Variants in PTCH2 observed in about 807,000 individuals in gnomAD.
PTCH2 encodes patched 2.
PTCH2 carries 96 observed loss-of-function variants against 117.9 expected under a neutral mutation model. The observed-to-expected ratio is 0.81, with a 90% CI of 0.69 to 0.96. The LOEUF (loss-of-function observed/expected upper bound fraction) is 0.96, where lower values mean the gene tolerates loss of function less well. Among genes scored for constraint, PTCH2 ranks in the 50% least tolerant of loss-of-function variants. The pLI is 0.00. For synonymous variants in PTCH2, 615 were observed against 660.9 expected (o/e 0.93, Z 1.06); for missense variants, 1,379 against 1,562.5 (o/e 0.88, Z 1.98).
At chr1:44,821,190 C>T (rs1275798004), downstream of PTCH2, among the ~76,000 whole-genome samples, 1 of 152,114 alleles carries the variant, frequency 6.6e-6, no homozygotes, top group Non-Finnish European at 1.5e-5. Flanking sequence ...CAGTTGCAAA[C>T]CTCCCCACGC....
chr1:44,820,656 C>T (rs1442051682), downstream of PTCH2: 1 of 714,380 alleles, frequency 1.4e-6, no homozygotes, highest in East Asian at 2.7e-5. Context: ...CTCCGTGTGT[C>T]TGATGAGGGG....
In PTCH2 at chr1:44,842,886, GGTGT is replaced by G. The variant is rs745385213; in HGVS notation, c.43_46del (p.Thr15ProfsTer11). The G allele has an allele frequency of 1.3e-6, 2 of 1,550,972 alleles. No homozygotes were observed. The highest frequency in any genetic ancestry group is 2.4e-5 in the East Asian group (1 of 40,864). On this transcript the variant is annotated frameshift_variant, in exon 1 of 22. Transcript: ENST00000372192. LOFTEE classifies it high-confidence loss of function. ...CTGGGGTGCTGCGGTTCGAGCTGGG[GGTGT>G]GTAACTCGGGGGCAGCTCTCTGAGG...
In PTCH2 at chr1:44,823,023, G is replaced by C. The variant is rs539364464; in HGVS notation, c.3357+46C>G. ...CCCTTCCCTTGCCTCTCCCTACCCC[G>C]TCCCTTGGGCTGGGAGTAGAGGGAT... On this transcript the variant is annotated intron_variant, in intron 21 of 21. Transcript: ENST00000372192. The surrounding 1 kb of genome is among the most constrained non-coding windows in gnomAD (Gnocchi z 5.1). 6.3e-7 allele frequency: 1 copy of C among 1,578,342 alleles called. No homozygotes were observed. The highest frequency in any genetic ancestry group is 8.6e-7 in the Non-Finnish European group (1 of 1,156,824).
At chr1:44,828,736 T>A in intron 11 of PTCH2, 105 bp from the exon 12 acceptor site, 1 of 1,483,304 alleles carries the variant, frequency 6.7e-7, no homozygotes, top group South Asian at 1.2e-5. Context: ...GGTGGGGCAG[T>A]CATAACACAG....
chr1:44,830,333 TC>T (rs1281381054), intron 6 of PTCH2, among the ~76,000 whole-genome samples: 1 of 152,098 alleles, frequency 6.6e-6, no homozygotes, highest in Non-Finnish European at 1.5e-5. Flanking sequence ...GGTATGATAT[TC>T]ATGCTTACCT....
At position 44,822,540 on chromosome 1, in the gene PTCH2, C is replaced by A. The variant is rs761664179; in HGVS notation, c.3487G>T (p.Ala1163Ser). 1 of 1,614,012 alleles carries A rather than the reference C, an allele frequency of 6.2e-7. No individual in the cohort carries two copies. Among genetic ancestry groups the A allele is most frequent in the Admixed American group, 1.7e-5 (1 of 60,016 alleles). ...FARVTTSMTV[A>S]IHPPPLPGAY... ...CCAGGCAGGGGGGGTGGGTGGATGG[C>A]CACGGTCATGGAGGTAGTCACTCTG... The change falls in exon 22 of 22, where the codon GCC becomes TCC. Residue 1163 changes from alanine to serine, a missense_variant. By Grantham distance (99) the Ala-to-Ser change is moderately conservative (BLOSUM62 1). Transcript: ENST00000372192.
At chr1:44,833,731 G>A (rs1217085338) in intron 2 of PTCH2, among the ~76,000 whole-genome samples, 1 of 151,960 alleles carries the variant, frequency 6.6e-6, no homozygotes, top group Admixed American at 6.6e-5. Context: ...CGAGTAGCTG[G>A]GATTACAAGC....
Position 44,826,807 on chromosome 1 carries a change from A to AGGGC in PTCH2, c.2696-43_2696-40dup. 1 of 1,606,926 alleles carries AGGGC rather than the reference A, an allele frequency of 6.2e-7. No individual in the cohort carries two copies. Among genetic ancestry groups the AGGGC allele is most frequent in the Non-Finnish European group, 8.5e-7 (1 of 1,175,108 alleles). The stretch of plus-strand genomic sequence containing the variant: ...GGGAAGGGAGAAGAGGGAGAGGGAC[A>AGGGC]GGGCGGTGAGCACGGGGCAGAGTGG... On this transcript the variant is annotated intron_variant, in intron 17 of 21. Transcript: ENST00000372192. This position sits in a 1 kb window ranked among gnomAD's most constrained non-coding sequence, Gnocchi z 5.1.
At chr1:44,838,867 G>A (rs753858496) in intron 2 of PTCH2, among the ~76,000 whole-genome samples, 27 of 152,062 alleles carry the variant, frequency 1.8e-4, no homozygotes, top group Non-Finnish European at 2.8e-4. Flanking sequence ...CTACAGGCGC[G>A]AACCACCGCA....
rs961363238 is a variant in PTCH2, at chr1:44,841,733, G to T, written c.265+114C>A. On this transcript the variant is annotated intron_variant, in intron 2 of 21. Transcript: ENST00000372192. ...CCAGGTGTAGGACTCTGGCCAGCAG[G>T]TGACCCTCCAGCCCCAGGGCCAGGC... The T allele has an allele frequency of 3.5e-6, 4 of 1,159,098 alleles. No homozygotes were observed. In the African/African-American group the frequency reaches 4.6e-5, roughly 13 times the overall value. The allele number at this position is 1,159,098 out of a possible 1,614,324, so 71.8% of individuals were successfully genotyped here.
chr1:44,837,112 T>C (rs1398969238), intron 2 of PTCH2, among the ~76,000 whole-genome samples: 3 of 152,244 alleles, frequency 2.0e-5, no homozygotes, highest in African/African-American at 7.2e-5. Context: ...GCTAATGTCC[T>C]TGGGCTGCCG....
rs142327543 is a variant in PTCH2 at position 44,827,946 on chromosome 1, G to A, written c.1955C>T (p.Thr652Ile). Reference sequence around the variant, plus strand: ...GGACTTGCAGGCTGCCTTCTGCCTTGTCTCCTCCTCCTGGCCTAGAAGGTC... The same window carrying A: ...GGACTTGCAGGCTGCCTTCTGCCTTATCTCCTCCTCCTGGCCTAGAAGGTC... The part of the protein sequence containing the change: ...TRDLLGQEEE[T>I]RQKAACKSLP... Residue 652 changes from threonine to isoleucine, a missense_variant, in exon 14 of 22, where the codon ACA becomes ATA. Thr to Ile is a moderately conservative substitution (Grantham distance 89). Coordinates refer to ENST00000372192, the MANE Select transcript of PTCH2 (RefSeq NM_003738.5). 5.5e-5 allele frequency: 89 copies of A among 1,614,178 alleles called. No individual in the cohort carries two copies. Among genetic ancestry groups the A allele is most frequent in the Non-Finnish European group, 7.5e-5 (88 of 1,180,036 alleles).
chr1:44,829,953 C>G lies in PTCH2; in HGVS notation c.891G>C (p.Leu297Phe). The change falls in exon 7 of 22, where the codon TTG becomes TTC. Residue 297 changes from leucine (L) to phenylalanine (F), a missense_variant. Coordinates refer to ENST00000372192, the MANE Select transcript of PTCH2 (RefSeq NM_003738.5). ...SHKFMHWQEE[L>F]LLGGMARDPQ... ...GGTCTCTGGCCATGCCTCCCAGCAG[C>G]AATTCCTCCTGCCAGTGCATGAATT... 4 of 1,614,174 alleles carry G rather than the reference C, an allele frequency of 2.5e-6. No individual in the cohort carries two copies. Among genetic ancestry groups the G allele is most frequent in the Non-Finnish European group, 3.4e-6 (4 of 1,180,014 alleles).
At chr1:44,841,766 A>G in intron 2 of PTCH2, 81 bp downstream of exon 2, 1 of 1,515,558 alleles carries the variant, frequency 6.6e-7, no homozygotes, top group Non-Finnish European at 9.2e-7. Context: ...GGCCTGCTAG[A>G]GCTCAGTAGC....
Position 44,826,336 on chromosome 1 carries a change from G to A in PTCH2, c.3028C>T (p.Leu1010=). 2 of 1,614,108 alleles carry A rather than the reference G, an allele frequency of 1.2e-6. No individual in the cohort carries two copies. Among genetic ancestry groups the A allele is most frequent in the Non-Finnish European group, 1.7e-6 (2 of 1,180,032 alleles). ...TVELFGIMGF[L]GIKLSAIPVV... is the part of the protein sequence containing the mutation. ...GGGATGGCACTCAGCTTGATGCCCAGGAAACCCATGATACCAAAGAGTTCC... is the reference window on the plus strand; with the variant it reads ...GGGATGGCACTCAGCTTGATGCCCAAGAAACCCATGATACCAAAGAGTTCC... Residue 1010 remains leucine (L), a synonymous_variant, in exon 19 of 22, where the codon CTG becomes TTG. Coordinates refer to ENST00000372192, the MANE Select transcript of PTCH2 (RefSeq NM_003738.5). This position sits in a 1 kb window ranked among gnomAD's most constrained non-coding sequence, Gnocchi z 5.1.
intron 2 of PTCH2, among the ~76,000 whole-genome samples, chr1:44,840,479 G>A (rs1653900056): frequency 6.6e-6 from 1 of 150,532 alleles, no homozygotes; most frequent in Non-Finnish European, 1.5e-5. Context: ...GGGAGGCTGA[G>A]GTGAGCGGAT....
chr1:44,828,535 T>G lies in PTCH2; in HGVS notation c.1561A>C (p.Ile521Leu), dbSNP rs1159508966. The G allele has an allele frequency of 5.6e-6, 9 of 1,613,894 alleles. No homozygotes were observed. In the African/African-American group the frequency reaches 1.1e-4, roughly 19 times the overall value. Residue 521 changes from isoleucine to leucine, a missense_variant, in exon 12 of 22, where the codon ATC becomes CTC. Coordinates refer to ENST00000372192, the MANE Select transcript of PTCH2 (RefSeq NM_003738.5). ...AAFLMAALVP[I>L]PALRAFSLQA... ...AGGGAGAAGGCTCGCAGCGCAGGGA[T>G]GGGAACGAGGGCAGCCATGAGGAAG...
chr1:44,822,334 A>C lies in PTCH2; in HGVS notation c.*81T>G. On this transcript the variant is annotated 3_prime_UTR_variant, in exon 22 of 22. Transcript: ENST00000372192. ...CAGCAGCAGGGCCCTCCAGGGGTCCATCCTGCGTCTAACACCAGACCCAGT... is the reference window on the plus strand; with the variant it reads ...CAGCAGCAGGGCCCTCCAGGGGTCCCTCCTGCGTCTAACACCAGACCCAGT... 6.2e-7 allele frequency: 1 copy of C among 1,605,992 alleles called. No homozygotes were observed. The highest frequency in any genetic ancestry group is 1.1e-5 in the South Asian group (1 of 91,014).
In PTCH2 at chr1:44,843,070, T is replaced by G. The variant is rs1654024870; in HGVS notation, c.-138A>C. 4 of 1,415,082 alleles carry G rather than the reference T, an allele frequency of 2.8e-6. No homozygotes were observed. Among genetic ancestry groups the G allele is most frequent in the Non-Finnish European group, 3.7e-6 (4 of 1,088,906 alleles). The allele number at this position is 1,415,082 out of a possible 1,614,324, so 87.7% of individuals were successfully genotyped here. On this transcript the variant is annotated 5_prime_UTR_variant, in exon 1 of 22. Transcript: ENST00000372192. ...GCCAAGGCGCGGGCGTGGGAGAGACTGTGGGGTGTGGGTGTTAAAGCGGCT... is the reference window on the plus strand; with the variant it reads ...GCCAAGGCGCGGGCGTGGGAGAGACGGTGGGGTGTGGGTGTTAAAGCGGCT...
Sources: allele counts gnomAD v4.1 joint callset (sites outside exome capture counted in the v4.1 genomes callset), GRCh38; gene constraint gnomAD v4.1.1; non-coding constraint Gnocchi (gnomAD v3.1); transcripts MANE v1.5; gene names NCBI Gene and HGNC (gene_info 2026-07-23, HGNC 2026-07-21).